The following CACNA1A variants were observed in gnomAD, a reference collection of about 807,000 sequenced individuals.
CACNA1A encodes the protein calcium voltage-gated channel subunit alpha1 A, also known as voltage-dependent P/Q-type calcium channel subunit alpha-1A.
CACNA1A carries 57 observed loss-of-function variants against 262.4 expected under a neutral mutation model. That is an observed-to-expected ratio of 0.22 (90% CI 0.18 to 0.27). CACNA1A has a LOEUF of 0.27. CACNA1A is among the 10% of genes least tolerant of loss of function. The pLI is 1.00. For synonymous variants in CACNA1A, 1,431 were observed against 1,419.3 expected, an observed-to-expected ratio of 1.01 and a Z score of -0.18; for missense variants, 2,526 against 3,562.8, an observed-to-expected ratio of 0.71 and a Z score of 7.41.
Position 13,291,420 on chromosome 19 carries a change from G to A in CACNA1A, c.3090-4454C>T, listed in dbSNP as rs538085537. Among the ~76,000 whole-genome samples the A allele has an allele frequency of 1.7e-3, 260 of 151,798 alleles. 5 individuals carry two copies. The highest frequency in any genetic ancestry group is 6.0e-3 in the African/African-American group (249 of 41,372). On this transcript the variant is annotated intron_variant, in intron 19 of 46. Coordinates refer to ENST00000360228, the MANE Select transcript of CACNA1A (RefSeq NM_001127222.2). ...ATAGTGATCAGCCCCATTTCACACA[G>A]GAGGAGACTGAGGTTCAGAGAGGCA...
intron 3 of CACNA1A, among the ~76,000 whole-genome samples, chr19:13,416,048 G>C (rs1280498937): frequency 6.6e-6 from 1 of 152,174 alleles, no homozygotes; most frequent in Non-Finnish European, 1.5e-5. Context: ...ACCCACAAGG[G>C]ATGATTAAGC....
At chr19:13,459,355 G>C (rs28556734) in intron 1 of CACNA1A, among the ~76,000 whole-genome samples, 4,380 of 152,228 alleles carry the variant, frequency 0.029, 134 homozygotes, top group Admixed American at 0.077. Flanking sequence ...AACCCCCTCA[G>C]TAAAAGTCTC....
chr19:13,489,558 C>T (rs971206892), intron 1 of CACNA1A, among the ~76,000 whole-genome samples: 1 of 152,202 alleles, frequency 6.6e-6, no homozygotes, highest in Non-Finnish European at 1.5e-5. Flanking sequence ...AGGCACAAGC[C>T]ATTGAGCCCA....
Position 13,312,706 on chromosome 19 carries a change from G to T in CACNA1A, c.1631C>A (p.Pro544His), listed in dbSNP as rs1243676721. The T allele has an allele frequency of 1.3e-6, 2 of 1,594,378 alleles. No homozygotes were observed. Among genetic ancestry groups the T allele is most frequent in the East Asian group, 4.6e-5 (2 of 43,692 alleles). Residue 544 changes from proline (P) to histidine (H), a missense_variant, in exon 12 of 47, where the codon CCT (proline) becomes CAT (histidine). This residue lies in a region of CACNA1A where 102 missense variants were observed against 278.9 expected (regional missense o/e 0.37). Transcript: ENST00000360228. ...GCAGTTGAAGGAAGAGTGGAAGTAA[G>T]GCCGCGTCCCAAGCCCGTACATTTT... ...FIKMYGLGTR[P>H]YFHSSFNCFD...
intron 33 of CACNA1A, 23 bp from the exon 34 acceptor site, chr19:13,235,059 C>T (rs747654878): frequency 1.9e-6 from 3 of 1,574,558 alleles, no homozygotes; most frequent in Non-Finnish European, 2.6e-6. Context: ...AGGGTGACGA[C>T]CAGGGGCTGC....
chr19:13,427,453 A>AAAATAAAT (rs58681300), intron 3 of CACNA1A, among the ~76,000 whole-genome samples: 32,177 of 135,932 alleles, frequency 0.24, 3,994 homozygotes, highest in Non-Finnish European at 0.27. Flanking sequence ...ACTCCATCTC[A>AAAATAAAT]AAATAAATAA....
chr19:13,279,475 T>G (rs1374527882), intron 22 of CACNA1A, among the ~76,000 whole-genome samples: 1 of 152,040 alleles, frequency 6.6e-6, no homozygotes, highest in East Asian at 1.9e-4. Flanking sequence ...CAAGGGCCAC[T>G]GCGTTCATTT....
At chr19:13,286,215 C>T (rs779144355) in intron 20 of CACNA1A, among the ~76,000 whole-genome samples, 2 of 152,100 alleles carry the variant, frequency 1.3e-5, no homozygotes, top group Non-Finnish European at 2.9e-5. Context: ...CATCAGAGGA[C>T]CCTATTGCTC....
chr19:13,304,268 C>T (rs962869161), intron 15 of CACNA1A, among the ~76,000 whole-genome samples: 7 of 151,684 alleles, frequency 4.6e-5, no homozygotes, highest in Non-Finnish European at 1.5e-5. Context: ...GGAGATGGGG[C>T]CTTTAAGAGG....
chr19:13,438,801 A>G (rs961493841), intron 3 of CACNA1A, among the ~76,000 whole-genome samples: 2 of 152,246 alleles, frequency 1.3e-5, no homozygotes, highest in Non-Finnish European at 1.5e-5. Context: ...GCAAAGGAGC[A>G]TACAGAAGAG....
At position 13,331,742 on chromosome 19, in the gene CACNA1A, C is replaced by A. The variant is rs114964906; in HGVS notation, c.1255+1127G>T. Among the ~76,000 whole-genome samples, 525 of 152,020 alleles carry A rather than the reference C, an allele frequency of 3.5e-3. 2 individuals are homozygous for A. The highest frequency in any genetic ancestry group is 0.012 in the African/African-American group (483 of 41,462). On this transcript the variant is annotated intron_variant, in intron 9 of 46. Transcript: ENST00000360228. ...TGGAGTGGAGTGGTGCCCACTGCAA[C>A]CTCGACCTCTTGGGCTCAAGTGATC...
chr19:13,222,126 T>C (rs1313528346), intron 38 of CACNA1A, among the ~76,000 whole-genome samples: 1 of 151,648 alleles, frequency 6.6e-6, no homozygotes, highest in South Asian at 2.1e-4. Flanking sequence ...AGGCTGGTCT[T>C]GAACTCCTGA....
chr19:13,397,732 C>T (rs1293790081), intron 3 of CACNA1A, among the ~76,000 whole-genome samples: 1 of 152,180 alleles, frequency 6.6e-6, no homozygotes, highest in Non-Finnish European at 1.5e-5. Context: ...CAAGTGGGTG[C>T]CGCCATGTAA....
intron 3 of CACNA1A, among the ~76,000 whole-genome samples, chr19:13,409,421 A>C (rs1034970684): frequency 6.6e-6 from 1 of 152,024 alleles, no homozygotes; most frequent in Non-Finnish European, 1.5e-5. Flanking sequence ...GATGTCTTTT[A>C]TTAGACTCAA....
At chr19:13,406,289 C>G (rs2060000069) in intron 3 of CACNA1A, among the ~76,000 whole-genome samples, 1 of 151,158 alleles carries the variant, frequency 6.6e-6, no homozygotes, top group African/African-American at 2.4e-5. Context: ...ATCCCTGTCT[C>G]TACTAAAAAT....
intron 3 of CACNA1A, among the ~76,000 whole-genome samples, chr19:13,421,682 C>T (rs1389759683): frequency 6.6e-6 from 1 of 152,020 alleles, no homozygotes; most frequent in African/African-American, 2.4e-5. Context: ...GTAGGAAGAC[C>T]CCTTCTACGA....
chr19:13,281,761 G>A (rs2057297817), intron 22 of CACNA1A, among the ~76,000 whole-genome samples: 1 of 152,224 alleles, frequency 6.6e-6, no homozygotes, highest in African/African-American at 2.4e-5. Flanking sequence ...TGGTGTGAAC[G>A]TTATGGGGCC....
chr19:13,491,702 G>GGCATTTAATACACTCA (rs1980906186), intron 1 of CACNA1A, among the ~76,000 whole-genome samples: 1 of 152,108 alleles, frequency 6.6e-6, no homozygotes, highest in African/African-American at 2.4e-5. Flanking sequence ...CAGGTGTGGT[G>GGCATTTAATACACTCA]GTGCACACCG....
At chr19:13,495,364 T>A in intron 1 of CACNA1A, among the ~76,000 whole-genome samples, 1 of 152,254 alleles carries the variant, frequency 6.6e-6, no homozygotes, top group Middle Eastern at 3.4e-3. Flanking sequence ...TGGCATGATC[T>A]TGGCTCACTG....
Sources: allele counts gnomAD v4.1 joint callset (sites outside exome capture counted in the v4.1 genomes callset), GRCh38; gene constraint gnomAD v4.1.1; regional missense constraint gnomAD v4.1.1; transcripts MANE v1.5; gene names NCBI Gene and HGNC (gene_info 2026-07-23, HGNC 2026-07-21).